GDPD5: variants seen among roughly 807,000 people sequenced by gnomAD.
The protein encoded by GDPD5 is glycerophosphodiester phosphodiesterase 2.
Under a neutral mutation model 75.1 loss-of-function variants are expected in GDPD5, and 48 were observed. That is an observed-to-expected ratio of 0.64 (90% confidence interval 0.51 to 0.81). The LOEUF is 0.81. GDPD5 is among the 40% of genes least tolerant of loss of function. GDPD5 has a pLI of 0.00. For synonymous variants in GDPD5, 336 were observed against 339.0 expected (o/e 0.99, Z 0.10); for missense variants, 706 against 822.6 (o/e 0.86, Z 1.73).
rs1948851402 is a variant in GDPD5, at chr11:75,442,556, G to A, written c.974C>T (p.Ser325Phe). The change falls in exon 12 of 17, where the codon TCC (serine) becomes TTC (phenylalanine). Residue 325 changes from serine (S) to phenylalanine (F), a missense_variant. Physicochemically the swap from Ser to Phe is radical, Grantham distance 155. Coordinates refer to ENST00000336898, the MANE Select transcript of GDPD5 (RefSeq NM_030792.8). The stretch of plus-strand genomic sequence containing the variant: ...CTCTCTGTGGTCGGAGGGTGACAGG[G>A]AGCTGGCTGTCCAGAAGGGGTCAGT... ...LKTDPFWTAS[S>F]LSPSDHREAQ... 1 of 1,614,106 alleles carries A rather than the reference G, an allele frequency of 6.2e-7. No homozygotes were observed. The highest frequency in any genetic ancestry group is 2.2e-5 in the East Asian group (1 of 44,878).
intron 1 of GDPD5, among the ~76,000 whole-genome samples, chr11:75,523,327 G>A (rs1199751989): frequency 1.3e-5 from 2 of 152,138 alleles, no homozygotes; most frequent in Non-Finnish European, 2.9e-5. Context: ...CGAGGCTGCC[G>A]CTTAGCCCGT....
chr11:75,464,449 A>G (rs1223400361), intron 3 of GDPD5, among the ~76,000 whole-genome samples: 1 of 152,164 alleles, frequency 6.6e-6, no homozygotes, highest in Non-Finnish European at 1.5e-5. Flanking sequence ...CTAATGGTCC[A>G]TGACTCCATA....
In GDPD5 at chr11:75,457,654, G is replaced by C. The variant is rs539565957; in HGVS notation, c.315+39C>G. On this transcript the variant is annotated intron_variant, in intron 5 of 16. Coordinates refer to ENST00000336898, the MANE Select transcript of GDPD5 (RefSeq NM_030792.8). ...CACAGGGCCAGTATCCCTTCCCCTG[G>C]GAGCAGGGCCACCTGCCCTCCAAAA... The C allele has an allele frequency of 4.7e-5, 74 of 1,565,414 alleles. 2 individuals carry two copies. In the South Asian group the frequency reaches 8.0e-4, roughly 17 times the overall value.
At chr11:75,458,781 CTCTT>C (rs1422864531) in intron 4 of GDPD5, among the ~76,000 whole-genome samples, 1 of 152,066 alleles carries the variant, frequency 6.6e-6, no homozygotes, top group Non-Finnish European at 1.5e-5. Context: ...TCAATAAACT[CTCTT>C]TGTTTTTGTT....
chr11:75,473,193 G>C (rs1165105110), intron 3 of GDPD5, among the ~76,000 whole-genome samples: 1 of 151,948 alleles, frequency 6.6e-6, no homozygotes, highest in Non-Finnish European at 1.5e-5. Flanking sequence ...GGTGATGGGG[G>C]GCTCTCATCA....
intron 16 of GDPD5, 27 bp downstream of exon 16, chr11:75,436,909 C>G: frequency 6.4e-7 from 1 of 1,567,594 alleles, no homozygotes; most frequent in Non-Finnish European, 8.8e-7. Flanking sequence ...CCAGGGCCTG[C>G]CTCCACCTGT....
At chr11:75,517,170 T>C (rs190056581) in intron 1 of GDPD5, among the ~76,000 whole-genome samples, 1 of 152,272 alleles carries the variant, frequency 6.6e-6, no homozygotes, top group Non-Finnish European at 1.5e-5. Context: ...TGCAAGCTTT[T>C]AGGCTGGGGG....
At chr11:75,520,479 G>C (rs1268643080) in intron 1 of GDPD5, among the ~76,000 whole-genome samples, 1 of 152,212 alleles carries the variant, frequency 6.6e-6, no homozygotes, top group African/African-American at 2.4e-5. Flanking sequence ...CACTCAGAGG[G>C]AGGGGAGGAT....
chr11:75,496,092 T>C (rs1950204017), intron 1 of GDPD5, among the ~76,000 whole-genome samples: 1 of 152,202 alleles, frequency 6.6e-6, no homozygotes, highest in Non-Finnish European at 1.5e-5. Flanking sequence ...AACAGCATCT[T>C]GCAGGGGAGC....
At chr11:75,442,329 C>G (rs758828715) in intron 12 of GDPD5, 34 bp downstream of exon 12, 29 of 1,496,006 alleles carry the variant, frequency 1.9e-5, no homozygotes, top group Non-Finnish European at 2.5e-5. Flanking sequence ...CAGGCCAGGG[C>G]TCCCGGGGGC....
intron 3 of GDPD5, among the ~76,000 whole-genome samples, chr11:75,471,313 A>T (rs1227861574): frequency 6.6e-6 from 1 of 152,142 alleles, no homozygotes; most frequent in Non-Finnish European, 1.5e-5. Flanking sequence ...GAGATATTGC[A>T]GCATTAGGGC....
chr11:75,469,642 G>A (rs1246619502), intron 3 of GDPD5, among the ~76,000 whole-genome samples: 3 of 152,254 alleles, frequency 2.0e-5, no homozygotes, highest in Admixed American at 2.0e-4. Flanking sequence ...GGATTTCAGA[G>A]TTAACTAAGA....
At chr11:75,493,680 CA>C (rs199901091) in intron 1 of GDPD5, among the ~76,000 whole-genome samples, 2,098 of 151,774 alleles carry the variant, frequency 0.014, 11 homozygotes, top group Non-Finnish European at 0.02. Context: ...AGGAGTGCAG[CA>C]GGGGGGGGCC....
rs775901461 is a variant in GDPD5, at chr11:75,435,537, G to A, written c.1788C>T (p.Thr596=). 1.2e-6 allele frequency: 2 copies of A among 1,612,518 alleles called. No individual in the cohort carries two copies. Among genetic ancestry groups the A allele is most frequent in the East Asian group, 2.2e-5 (1 of 44,876 alleles). ...GCCCACTCCGCTCTATGAGGGTCTTGGTGTGGCTGCCACCCCCTCGGGGGC... is the reference window on the plus strand; with the variant it reads ...GCCCACTCCGCTCTATGAGGGTCTTAGTGTGGCTGCCACCCCCTCGGGGGC... ...PVGPRGGGSH[T]KTLIERSGR The change falls in exon 17 of 17, where the codon ACC becomes ACT. Residue 596 remains threonine, a synonymous_variant. Transcript: ENST00000336898.
chr11:75,503,076 A>G (rs1950326595), intron 1 of GDPD5, among the ~76,000 whole-genome samples: 1 of 152,192 alleles, frequency 6.6e-6, no homozygotes, highest in African/African-American at 2.4e-5. Context: ...GCTGGAGTGC[A>G]GTGGGACATC....
chr11:75,448,833 G>A (rs758230710), intron 9 of GDPD5, 144 bp downstream of exon 9: 10 of 1,171,266 alleles, frequency 8.5e-6, no homozygotes, highest in East Asian at 3.1e-5. Flanking sequence ...CAGCACTCCC[G>A]GCCTTTTTGC....
At chr11:75,515,244 G>T (rs756812735) in intron 1 of GDPD5, among the ~76,000 whole-genome samples, 1 of 152,232 alleles carries the variant, frequency 6.6e-6, no homozygotes, top group African/African-American at 2.4e-5. Flanking sequence ...TAGACCTGCC[G>T]GCTGTGCCCC....
chr11:75,441,519 T>C (rs907219770), intron 13 of GDPD5, 127 bp downstream of exon 13: 1 of 1,150,580 alleles, frequency 8.7e-7, no homozygotes, highest in Admixed American at 2.2e-5. Flanking sequence ...CTGATTCCTC[T>C]GTGTGCCCAT....
intron 6 of GDPD5, among the ~76,000 whole-genome samples, chr11:75,452,495 G>C (rs536203766): frequency 6.6e-6 from 1 of 152,346 alleles, no homozygotes; most frequent in Non-Finnish European, 1.5e-5. Flanking sequence ...TTATTGTGAG[G>C]AGTGAAATGA....
Sources: allele counts gnomAD v4.1 joint callset (sites outside exome capture counted in the v4.1 genomes callset), GRCh38; gene constraint gnomAD v4.1.1; transcripts MANE v1.5; gene names NCBI Gene and HGNC (gene_info 2026-07-23, HGNC 2026-07-21).